Variants in HGD observed in about 807,000 individuals in gnomAD.
HGD encodes the protein homogentisate oxidase.
A neutral mutation model predicts 60.8 loss-of-function variants in HGD; 61 were observed. The ratio of observed to expected loss-of-function variants is 1.00; its 90% CI spans 0.82 to 1.24. The LOEUF (loss-of-function observed/expected upper bound fraction) is 1.24. Among genes scored for constraint, HGD ranks in the 50% most tolerant of loss-of-function variants. The pLI, the probability that HGD is intolerant of heterozygous loss-of-function variation, is 0.00. For synonymous variants in HGD, 212 were observed against 187.7 expected, an observed-to-expected ratio of 1.13 and a Z score of -1.06; for missense variants, 542 against 547.1, an observed-to-expected ratio of 0.99 and a Z score of 0.09.
chr3:120,638,014 C>T (rs1940837281), intron 12 of HGD, among the ~76,000 whole-genome samples: 1 of 152,170 alleles, frequency 6.6e-6, no homozygotes, highest in Non-Finnish European at 1.5e-5. Context: ...TGAGTTCTCA[C>T]TCTATGAGTT....
intron 1 of HGD, among the ~76,000 whole-genome samples, chr3:120,679,131 T>C (rs1277827999): frequency 1.3e-5 from 2 of 152,212 alleles, no homozygotes; most frequent in East Asian, 3.8e-4. Context: ...CCATGTGACT[T>C]CAGTACCATC....
chr3:120,670,586 T>G, intron 3 of HGD, 54 bp from the exon 4 acceptor site: 1 of 997,838 alleles, frequency 1.0e-6, no homozygotes. Flanking sequence ...TTCTGAGTGA[T>G]ACACAGAATG....
intron 11 of HGD, among the ~76,000 whole-genome samples, chr3:120,640,518 G>A (rs1940936374): frequency 6.6e-6 from 1 of 152,146 alleles, no homozygotes; most frequent in African/African-American, 2.4e-5. Flanking sequence ...AGACAGTGGT[G>A]GCATGATCAG....
At chr3:120,670,589 A>T in intron 3 of HGD, 57 bp from the exon 4 acceptor site, 6 of 974,316 alleles carry the variant, frequency 6.2e-6, no homozygotes, top group Non-Finnish European at 8.4e-6. Context: ...TGAGTGATAC[A>T]CAGAATGGCT....
chr3:120,674,953 CA>C lies in HGD; in HGVS notation c.123del (p.Glu42SerfsTer69). The C allele has an allele frequency of 6.2e-7, 1 of 1,612,036 alleles. No homozygotes were observed. On this transcript the variant is annotated frameshift_variant, in exon 3 of 14. Coordinates refer to ENST00000283871, the MANE Select transcript of HGD (RefSeq NM_000187.4). LOFTEE classifies it high-confidence loss of function. ...NPQVCPYNLY[A>X]EQLSGSAFTC... Reference sequence around the variant, plus strand: ...GTGAAAGCCGATCCTGAGAGCTGCTCAGCATAGAGATTGTAGGGGCAGACCT... The same window carrying C: ...GTGAAAGCCGATCCTGAGAGCTGCTCGCATAGAGATTGTAGGGGCAGACCT...
chr3:120,675,809 A>G lies in HGD; in HGVS notation c.70T>C (p.Ser24Pro), dbSNP rs766513107. Residue 24 changes from serine to proline, a missense_variant, in exon 2 of 14, where the codon TCC becomes CCC. Ser to Pro is a moderately conservative substitution (Grantham distance 74). Transcript: ENST00000283871. The part of the protein sequence containing the change: ...CSSEDPRCPG[S>P]LPEGQNNPQV... ...GCTCATACCTGTCCTTCTGGCAGGGAACCTGGGCAGCGAGGATCCTCTGAA... is the reference window on the plus strand; with the variant it reads ...GCTCATACCTGTCCTTCTGGCAGGGGACCTGGGCAGCGAGGATCCTCTGAA... The G allele has an allele frequency of 6.2e-7, 1 of 1,613,538 alleles. No individual in the cohort carries two copies. Among genetic ancestry groups the G allele is most frequent in the Non-Finnish European group, 8.5e-7 (1 of 1,179,516 alleles).
rs189931147 is a variant in HGD, at chr3:120,658,644, C to T, written c.283-5993G>A. Among the ~76,000 whole-genome samples the T allele has an allele frequency of 4.1e-4, 62 of 152,322 alleles. No homozygotes were observed. In the Middle Eastern group the frequency reaches 0.02, roughly 50 times the overall value. ...ATAGCTCCACTAGGCAATGCCCCAG[C>T]GGGGACTCTGTGTGGGAGCTCCAAC... On this transcript the variant is annotated intron_variant, in intron 4 of 13. Transcript: ENST00000283871.
chr3:120,663,788 A>T (rs1225430458), intron 4 of HGD, among the ~76,000 whole-genome samples: 1 of 150,630 alleles, frequency 6.6e-6, no homozygotes, highest in Admixed American at 6.7e-5. Flanking sequence ...ATTTTTATAA[A>T]CATTTATTGG....
chr3:120,653,471 C>T (rs1032596528), intron 4 of HGD, among the ~76,000 whole-genome samples: 1 of 152,158 alleles, frequency 6.6e-6, no homozygotes, highest in Non-Finnish European at 1.5e-5. Context: ...TCAAGGTGGG[C>T]TTGGCAGGGC....
chr3:120,664,146 A>G (rs928148757), intron 4 of HGD, among the ~76,000 whole-genome samples: 4 of 152,130 alleles, frequency 2.6e-5, no homozygotes, highest in African/African-American at 7.2e-5. Flanking sequence ...TCTACAGTGC[A>G]GGTATCATTT....
rs1335550126 is a variant in HGD at position 120,638,599 on chromosome 3, G to A, written c.880-18C>T. On this transcript the variant is annotated intron_variant, in intron 11 of 13. Transcript: ENST00000283871. ...GATGGGTCCTGTGAACACACAAGGAGAGACTGAACGCATGATGCAAGGGAA... is the reference window on the plus strand; with the variant it reads ...GATGGGTCCTGTGAACACACAAGGAAAGACTGAACGCATGATGCAAGGGAA... 6.2e-7 allele frequency: 1 copy of A among 1,613,368 alleles called. No individual in the cohort carries two copies. The highest frequency in any genetic ancestry group is 2.2e-5 in the East Asian group (1 of 44,864).
At chr3:120,664,103 C>T (rs572152909) in intron 4 of HGD, among the ~76,000 whole-genome samples, 1 of 152,176 alleles carries the variant, frequency 6.6e-6, no homozygotes, top group South Asian at 2.1e-4. Context: ...CCACATAACA[C>T]CATGTGTGAT....
In HGD at chr3:120,675,822, A is replaced by C. The variant is rs1268206045; in HGVS notation, c.57T>G (p.Pro19=). 43 of 1,613,578 alleles carry C rather than the reference A, an allele frequency of 2.7e-5. No individual in the cohort carries two copies. Among genetic ancestry groups the C allele is most frequent in the Non-Finnish European group, 3.6e-5 (43 of 1,179,666 alleles). Residue 19 remains proline, a synonymous_variant, in exon 2 of 14, where the codon CCT becomes CCG. Transcript: ENST00000283871. ...GFGNECSSED[P]RCPGSLPEGQ... ...CTTCTGGCAGGGAACCTGGGCAGCG[A>C]GGATCCTCTGAAGAACACTCATTCC...
At chr3:120,639,918 G>T (rs1940914841) in intron 11 of HGD, among the ~76,000 whole-genome samples, 1 of 152,022 alleles carries the variant, frequency 6.6e-6, no homozygotes, top group Admixed American at 6.6e-5. Context: ...CAATTTAATT[G>T]AAATCAACAA....
intron 4 of HGD, among the ~76,000 whole-genome samples, chr3:120,653,049 G>A (rs1041013538): frequency 1.3e-5 from 2 of 152,136 alleles, no homozygotes; most frequent in African/African-American, 2.4e-5. Flanking sequence ...TTCCTGGCAT[G>A]CCAGCCTCCC....
At chr3:120,674,550 T>TAAAAC (rs75770716) in intron 3 of HGD, 9 of 283,064 alleles carry the variant, frequency 3.2e-5, no homozygotes, top group East Asian at 2.3e-4. Flanking sequence ...TTAGTCATTA[T>TAAAAC]AAAACAAAAC....
At chr3:120,673,014 C>A (rs1286612070) in intron 3 of HGD, among the ~76,000 whole-genome samples, 1 of 151,892 alleles carries the variant, frequency 6.6e-6, no homozygotes, top group East Asian at 1.9e-4. Flanking sequence ...TTGTGGTGGC[C>A]CTGTATGCTA....
At chr3:120,671,456 G>A (rs1708023719) in intron 3 of HGD, among the ~76,000 whole-genome samples, 1 of 151,800 alleles carries the variant, frequency 6.6e-6, no homozygotes, top group Non-Finnish European at 1.5e-5. Flanking sequence ...TTTCTATTGG[G>A]TTTGTCTTTT....
chr3:120,659,918 T>A (rs1329212345), intron 4 of HGD, among the ~76,000 whole-genome samples: 1 of 146,322 alleles, frequency 6.8e-6, no homozygotes, highest in Non-Finnish European at 1.5e-5. Context: ...GCATCTCATA[T>A]GATGGGAGCA....
Sources: allele counts gnomAD v4.1 joint callset (sites outside exome capture counted in the v4.1 genomes callset), GRCh38; gene constraint gnomAD v4.1.1; transcripts MANE v1.5; gene names NCBI Gene and HGNC (gene_info 2026-07-23, HGNC 2026-07-21).